KNL1: variants seen among roughly 807,000 people sequenced by gnomAD.
The protein encoded by KNL1 is outer kinetochore KNL1 complex subunit KNL1.
KNL1 carries 66 observed loss-of-function variants against 201.3 expected under a neutral mutation model. That is an observed-to-expected ratio of 0.33 (90% CI 0.27 to 0.40). The LOEUF (loss-of-function observed/expected upper bound fraction) is 0.40, where lower values mean the gene tolerates loss of function less well. Among genes scored for constraint, KNL1 ranks in the 10% least tolerant of loss-of-function variants. The probability of loss-of-function intolerance (pLI) is 1.00; values close to 1 mark genes in which losing one functional copy is unlikely to be tolerated. For synonymous variants in KNL1, 895 were observed against 899.2 expected, an observed-to-expected ratio of 1.00 and a Z score of 0.08; for missense variants, 2,815 against 2,690.5, an observed-to-expected ratio of 1.05 and a Z score of -1.02.
intron 4 of KNL1, among the ~76,000 whole-genome samples, chr15:40,606,749 C>A (rs894283942): frequency 2.6e-5 from 4 of 152,112 alleles, no homozygotes; most frequent in Non-Finnish European, 2.9e-5. Context: ...CGGCACATGC[C>A]ATCATACTTA....
chr15:40,638,169 C>T (rs965181833), intron 13 of KNL1, among the ~76,000 whole-genome samples: 1 of 143,788 alleles, frequency 7.0e-6, no homozygotes, highest in African/African-American at 2.6e-5. Flanking sequence ...GCCTGGATGA[C>T]AGAGTGAGAC....
intron 2 of KNL1, among the ~76,000 whole-genome samples, chr15:40,604,488 A>T (rs1891911072): frequency 6.6e-6 from 1 of 152,210 alleles, no homozygotes; most frequent in Non-Finnish European, 1.5e-5. Flanking sequence ...CTGGAAGTAT[A>T]GACATGGGCC....
At chr15:40,618,044 A>G (rs1284554271) in intron 8 of KNL1, among the ~76,000 whole-genome samples, 1 of 143,690 alleles carries the variant, frequency 7.0e-6, no homozygotes, top group East Asian at 2.0e-4. Context: ...TATGTACTCA[A>G]GCTCGTCATA....
intron 4 of KNL1, 116 bp downstream of exon 4, chr15:40,606,568 A>C: frequency 1.7e-6 from 1 of 583,572 alleles, no homozygotes; most frequent in Non-Finnish European, 3.2e-6. Flanking sequence ...GTTTCCAAAC[A>C]CTTGAATATA....
intron 1 of KNL1, among the ~76,000 whole-genome samples, chr15:40,599,961 G>A (rs1427949556): frequency 6.7e-6 from 1 of 150,148 alleles, no homozygotes; most frequent in Non-Finnish European, 1.5e-5. Flanking sequence ...CAGGCACATT[G>A]CCCCATATCT....
chr15:40,596,466 CG>C, intron 1 of KNL1, among the ~76,000 whole-genome samples: 1 of 151,892 alleles, frequency 6.6e-6, no homozygotes, highest in Non-Finnish European at 1.5e-5. Flanking sequence ...TAAGTAGACA[CG>C]GGGTTTCACC....
chr15:40,637,873 G>GAA (rs372582308), intron 13 of KNL1, among the ~76,000 whole-genome samples: 8 of 148,694 alleles, frequency 5.4e-5, no homozygotes, highest in African/African-American at 1.2e-4. Flanking sequence ...CCAAAAATCT[G>GAA]AAAAAAAAAA....
intron 13 of KNL1, among the ~76,000 whole-genome samples, chr15:40,630,757 T>C (rs983759061): frequency 6.6e-6 from 1 of 152,036 alleles, no homozygotes; most frequent in East Asian, 1.9e-4. Context: ...ATCTTAGGGC[T>C]CCCACAGATT....
intron 21 of KNL1, among the ~76,000 whole-genome samples, chr15:40,652,842 G>A (rs1326178393): frequency 2.0e-5 from 3 of 151,892 alleles, no homozygotes; most frequent in Non-Finnish European, 4.4e-5. Context: ...CATCTAAAAG[G>A]ATAAAATCAC....
chr15:40,611,080 T>C (rs1892142394), intron 6 of KNL1, among the ~76,000 whole-genome samples: 1 of 147,878 alleles, frequency 6.8e-6, no homozygotes, highest in African/African-American at 2.5e-5. Flanking sequence ...GTTAATGTCC[T>C]TAAGTAATTT....
At chr15:40,616,518 C>G (rs1287840626) in intron 8 of KNL1, among the ~76,000 whole-genome samples, 1 of 152,210 alleles carries the variant, frequency 6.6e-6, no homozygotes, top group African/African-American at 2.4e-5. Context: ...AGTCAGGAAT[C>G]AAGAAGTCAT....
At chr15:40,613,829 G>A (rs1026729485) in intron 7 of KNL1, among the ~76,000 whole-genome samples, 3 of 151,354 alleles carry the variant, frequency 2.0e-5, no homozygotes, top group Middle Eastern at 3.4e-3. Flanking sequence ...ATAGAGTCTC[G>A]CTCCGTCACC....
rs527273515 is a variant in KNL1 at position 40,623,945 on chromosome 15, C to T, written c.3681C>T (p.Thr1227=). 4.0e-5 allele frequency: 65 copies of T among 1,613,352 alleles called. No individual in the cohort carries two copies. The highest frequency in any genetic ancestry group is 8.3e-5 in the Admixed American group (5 of 60,000). Residue 1227 remains threonine (T), a synonymous_variant, in exon 10 of 26, where the codon ACC becomes ACT. Transcript: ENST00000399668. ...TAGGAAACAAAATAGTTCTTCACAC[C>T]GAGCAAAAGCAACAACTCTTTGCTG... ...LAVGNKIVLH[T]EQKQQLFAAT...
chr15:40,602,223 C>CG (rs1379357722), intron 1 of KNL1, among the ~76,000 whole-genome samples: 3 of 147,170 alleles, frequency 2.0e-5, no homozygotes, highest in African/African-American at 7.6e-5. Flanking sequence ...TTAGTAGAGA[C>CG]GGGGTTTCAC....
intron 2 of KNL1, among the ~76,000 whole-genome samples, chr15:40,604,691 G>T (rs1891918476): frequency 6.6e-6 from 1 of 152,118 alleles, no homozygotes; most frequent in Non-Finnish European, 1.5e-5. Flanking sequence ...GGTGAGAGAG[G>T]AATTCTCTAG....
chr15:40,649,364 C>G (rs1174571573), intron 17 of KNL1, among the ~76,000 whole-genome samples: 1 of 147,830 alleles, frequency 6.8e-6, no homozygotes, highest in Admixed American at 6.7e-5. Flanking sequence ...GGCATGATCT[C>G]TGCTCACTGC....
chr15:40,608,878 C>G lies in KNL1; in HGVS notation c.167C>G (p.Ser56Cys). Reference protein sequence around the residue: ...ESNALRNKKNSRRVSFADTIK... With the variant: ...ESNALRNKKNCRRVSFADTIK... ...AATGCTTTGAGAAATAAGAAAAACT[C>G]TCGTCGAGTCAGCTTTGCAGATACT... The change falls in exon 5 of 26, where the codon TCT (serine) becomes TGT (cysteine). Residue 56 changes from serine (S) to cysteine (C), a missense_variant. Transcript: ENST00000399668. The G allele has an allele frequency of 6.2e-7, 1 of 1,611,174 alleles. No individual in the cohort carries two copies. The highest frequency in any genetic ancestry group is 1.3e-5 in the African/African-American group (1 of 74,948).
intron 13 of KNL1, among the ~76,000 whole-genome samples, chr15:40,632,082 G>A (rs1892925595): frequency 6.6e-6 from 1 of 151,720 alleles, no homozygotes; most frequent in South Asian, 2.1e-4. Flanking sequence ...CTCCTGAAGA[G>A]TCTAATTAAG....
Position 40,645,623 on chromosome 15 carries a change from T to C in KNL1, c.5890-33T>C, listed in dbSNP as rs1023328232. On this transcript the variant is annotated intron_variant, in intron 15 of 25. Transcript: ENST00000399668. ...TTTACCTCTTCTGACTCGTTTGTTT[T>C]AGTACAGTGTTCTCTATAACTTTCC... 5 of 1,226,360 alleles carry C rather than the reference T, an allele frequency of 4.1e-6. No individual in the cohort carries two copies. The Admixed American group carries it at 8.0e-5, about 20-fold the overall frequency. The allele number at this position is 1,226,360 out of a possible 1,614,324, so 76.0% of individuals were successfully genotyped here.
Sources: allele counts gnomAD v4.1 joint callset (sites outside exome capture counted in the v4.1 genomes callset), GRCh38; gene constraint gnomAD v4.1.1; transcripts MANE v1.5; gene names NCBI Gene and HGNC (gene_info 2026-07-23, HGNC 2026-07-21).